The following SLMAP variants were observed in gnomAD, a reference collection of about 807,000 sequenced individuals.
SLMAP encodes the protein sarcolemmal membrane-associated protein.
Under a neutral mutation model 128.8 loss-of-function variants are expected in SLMAP, and 44 were observed. The ratio of observed to expected loss-of-function variants is 0.34; its 90% CI spans 0.27 to 0.44. The LOEUF (loss-of-function observed/expected upper bound fraction) is 0.44, where lower values mean the gene tolerates loss of function less well. Among genes scored for constraint, SLMAP ranks in the 20% least tolerant of loss-of-function variants. SLMAP has a pLI of 1.00. For missense variants in SLMAP, 787 were observed against 985.3 expected, an observed-to-expected ratio of 0.80 and a Z score of 2.69; for synonymous variants, 327 against 348.8, an observed-to-expected ratio of 0.94 and a Z score of 0.70.
intron 13 of SLMAP, among the ~76,000 whole-genome samples, chr3:57,870,138 A>T (rs1386601032): frequency 6.6e-6 from 1 of 152,108 alleles, no homozygotes; most frequent in Non-Finnish European, 1.5e-5. Flanking sequence ...ATATGTTTCA[A>T]ATATGTTTTG....
intron 2 of SLMAP, among the ~76,000 whole-genome samples, chr3:57,798,927 G>A (rs1198916895): frequency 6.6e-6 from 1 of 152,136 alleles, no homozygotes; most frequent in African/African-American, 2.4e-5. Flanking sequence ...ACTTCACTCA[G>A]TTTATAGTTG....
intron 2 of SLMAP, among the ~76,000 whole-genome samples, chr3:57,813,238 G>A (rs1355591195): frequency 6.6e-6 from 1 of 151,938 alleles, no homozygotes; most frequent in Non-Finnish European, 1.5e-5. Context: ...TGGGATTACA[G>A]GCATGCGCCA....
intron 2 of SLMAP, among the ~76,000 whole-genome samples, chr3:57,829,539 T>A (rs559987753): frequency 1.3e-5 from 2 of 152,308 alleles, no homozygotes; most frequent in South Asian, 2.1e-4. Context: ...TGAGGGTAAA[T>A]ATTCCTACTT....
chr3:57,794,864 T>TAGAAAACCGAA, intron 2 of SLMAP, among the ~76,000 whole-genome samples: 1 of 152,250 alleles, frequency 6.6e-6, no homozygotes, highest in African/African-American at 2.4e-5. Flanking sequence ...CTTTCGGCTG[T>TAGAAAACCGAA]TATGAATAAT....
intron 3 of SLMAP, among the ~76,000 whole-genome samples, chr3:57,834,143 A>T (rs2093500452): frequency 6.6e-6 from 1 of 152,202 alleles, no homozygotes. Flanking sequence ...AATAATCTTA[A>T]ATTCCATTCA....
chr3:57,860,615 A>G (rs933897391), intron 8 of SLMAP, 84 bp from the exon 9 acceptor site: 22 of 1,022,434 alleles, frequency 2.2e-5, no homozygotes, highest in Middle Eastern at 3.2e-4. Context: ...AATTTAAAGT[A>G]TATCATAATG....
At chr3:57,832,098 G>A (rs1401306561) in intron 3 of SLMAP, among the ~76,000 whole-genome samples, 6 of 152,168 alleles carry the variant, frequency 3.9e-5, no homozygotes, top group Non-Finnish European at 8.8e-5. Flanking sequence ...ACAATCTTTT[G>A]CAGAATCCTC....
intron 2 of SLMAP, among the ~76,000 whole-genome samples, chr3:57,787,263 C>CT (rs1487813026): frequency 6.6e-6 from 1 of 152,140 alleles, no homozygotes; most frequent in Non-Finnish European, 1.5e-5. Context: ...TTGAATAACT[C>CT]TGACATCGAG....
At chr3:57,852,783 A>G (rs929659274) in intron 6 of SLMAP, among the ~76,000 whole-genome samples, 9 of 152,128 alleles carry the variant, frequency 5.9e-5, no homozygotes, top group Non-Finnish European at 1.3e-4. Flanking sequence ...GTGGATAGCA[A>G]ATCTCACTCC....
chr3:57,820,734 G>A (rs1209973568), intron 2 of SLMAP, among the ~76,000 whole-genome samples: 2 of 152,164 alleles, frequency 1.3e-5, no homozygotes, highest in Non-Finnish European at 2.9e-5. Context: ...TACCTCCAGC[G>A]GGGGACTCAG....
At position 57,860,738 on chromosome 3, in the gene SLMAP, T is replaced by C; in HGVS notation, c.727T>C (p.Leu243=). The C allele has an allele frequency of 6.3e-7, 1 of 1,594,926 alleles. No homozygotes were observed. Among genetic ancestry groups the C allele is most frequent in the Non-Finnish European group, 8.5e-7 (1 of 1,175,086 alleles). ...EDSLRKELIA[L]QEDKHNYETT... is the part of the protein sequence containing the mutation. ...TAGTTTACGAAAGGAACTTATAGCA[T>C]TACAAGAGGATAAACATAACTATGA... The change falls in exon 9 of 25, where the codon TTA becomes CTA. Residue 243 remains leucine, a synonymous_variant. Coordinates refer to ENST00000671191, the MANE Select transcript of SLMAP (RefSeq NM_001377540.1).
intron 17 of SLMAP, chr3:57,899,887 T>C (rs1040226645): frequency 7.2e-5 from 11 of 152,210 alleles, no homozygotes; most frequent in African/African-American, 2.4e-4. Flanking sequence ...TAGCCCTTTA[T>C]GGTCATTATT....
rs200174090 is a variant in SLMAP, at chr3:57,862,071, A to C, written c.951A>C (p.Leu317Phe). ...YNGAVNEIKD[L>F]SDKLKVAEGK... ...GAGCAGTTAATGAGATTAAAGATTT[A>C]TCTGATAAATTAAAGGTATGTATTT... is the stretch of plus-strand genomic sequence containing the variant. Residue 317 changes from leucine to phenylalanine, a missense_variant, in exon 10 of 25, where the codon TTA becomes TTC. Around this residue, in one of 2 missense-constraint regions of SLMAP, gnomAD observed 715 missense variants for 843.6 expected, o/e 0.85. Coordinates refer to ENST00000671191, the MANE Select transcript of SLMAP (RefSeq NM_001377540.1). 2 of 1,583,378 alleles carry C rather than the reference A, an allele frequency of 1.3e-6. No individual in the cohort carries two copies. Among genetic ancestry groups the C allele is most frequent in the East Asian group, 4.5e-5 (2 of 44,664 alleles).
intron 12 of SLMAP, among the ~76,000 whole-genome samples, 156 bp downstream of exon 12, chr3:57,865,013 G>T (rs2095256133): frequency 6.6e-6 from 1 of 152,052 alleles, no homozygotes; most frequent in Non-Finnish European, 1.5e-5. Flanking sequence ...AAATATGCTT[G>T]ATTGCCACCA....
intron 15 of SLMAP, among the ~76,000 whole-genome samples, chr3:57,896,088 C>A (rs967878041): frequency 6.6e-6 from 1 of 151,064 alleles, no homozygotes; most frequent in African/African-American, 2.4e-5. Flanking sequence ...TATTTGAGTA[C>A]AAATCTTACT....
chr3:57,777,259 A>T lies in SLMAP; in HGVS notation c.198+19410A>T, dbSNP rs547880110. On this transcript the variant is annotated intron_variant, in intron 2 of 24. Transcript: ENST00000671191. ...AAACTTAAAGTATAATAATAATAAA[A>T]TTTTAAAAAAAGAAATTTGACTTTT... Among the ~76,000 whole-genome samples the T allele has an allele frequency of 8.9e-4, 135 of 152,200 alleles. 1 individual carries two copies. The highest frequency in any genetic ancestry group is 1.7e-3 in the Non-Finnish European group (117 of 68,012).
intron 2 of SLMAP, among the ~76,000 whole-genome samples, chr3:57,802,204 A>G (rs909983613): frequency 2.0e-5 from 3 of 152,090 alleles, no homozygotes; most frequent in Non-Finnish European, 4.4e-5. Flanking sequence ...ACTCCCAAAA[A>G]AATTCCCTAT....
intron 14 of SLMAP, among the ~76,000 whole-genome samples, chr3:57,877,646 T>A (rs1409832807): frequency 6.6e-6 from 1 of 151,968 alleles, no homozygotes; most frequent in Non-Finnish European, 1.5e-5. Flanking sequence ...GTCAGCCCAC[T>A]TTCTAACATA....
chr3:57,764,205 G>A (rs1198240345), intron 2 of SLMAP, among the ~76,000 whole-genome samples: 1 of 151,958 alleles, frequency 6.6e-6, no homozygotes, highest in African/African-American at 2.4e-5. Context: ...CCAAACCCCT[G>A]TTTAAGAAAG....
Sources: gnomAD v4.1 joint callset for allele counts (sites outside exome capture counted in the v4.1 genomes callset) on GRCh38, gnomAD v4.1.1 for gene constraint, gnomAD v4.1.1 regional missense constraint, MANE v1.5 for transcripts, NCBI Gene and HGNC (gene_info 2026-07-23, HGNC 2026-07-21) for gene names.